Variants in SND1 observed in about 807,000 individuals in gnomAD.
The protein encoded by SND1 is staphylococcal nuclease domain-containing protein 1.
SND1 carries 38 observed loss-of-function variants against 121.7 expected under a neutral mutation model. The observed-to-expected ratio is 0.31, with a 90% CI of 0.24 to 0.41. The LOEUF (loss-of-function observed/expected upper bound fraction) is 0.41. Among genes scored for constraint, SND1 ranks in the 10% least tolerant of loss-of-function variants. SND1 has a pLI of 1.00. For synonymous variants in SND1, 401 were observed against 447.4 expected (o/e 0.90, Z 1.31); for missense variants, 868 against 1,184.6 (o/e 0.73, Z 3.92).
chr7:127,928,739 C>T (rs1800900990), intron 14 of SND1, among the ~76,000 whole-genome samples: 1 of 152,092 alleles, frequency 6.6e-6, no homozygotes, highest in Admixed American at 6.5e-5. Context: ...CAGGCATGTG[C>T]CACCATGCCC....
At chr7:127,933,431 CT>C (rs1037834168) in intron 15 of SND1, among the ~76,000 whole-genome samples, 2 of 152,216 alleles carry the variant, frequency 1.3e-5, no homozygotes, top group Non-Finnish European at 2.9e-5. Flanking sequence ...TATTATGCAT[CT>C]TTTGGTTTCT....
chr7:127,833,089 A>G (rs1005757367), intron 11 of SND1, among the ~76,000 whole-genome samples: 12 of 152,132 alleles, frequency 7.9e-5, no homozygotes, highest in African/African-American at 2.7e-4. Context: ...ATGTAAGAAA[A>G]TAGCCAAGTG....
chr7:127,976,189 C>T (rs1802116198), intron 15 of SND1, among the ~76,000 whole-genome samples: 1 of 152,232 alleles, frequency 6.6e-6, no homozygotes, highest in East Asian at 1.9e-4. Flanking sequence ...AGGAAGTTTA[C>T]TCCTCCTCTC....
At chr7:127,754,052 A>G (rs1797150706) in intron 10 of SND1, among the ~76,000 whole-genome samples, 1 of 152,218 alleles carries the variant, frequency 6.6e-6, no homozygotes, top group African/African-American at 2.4e-5. Flanking sequence ...GTGAATTGGA[A>G]CTAGCATCCT....
intron 16 of SND1, chr7:127,999,548 C>T (rs1413038177): frequency 6.6e-6 from 1 of 152,128 alleles, no homozygotes; most frequent in Non-Finnish European, 1.5e-5. Flanking sequence ...AGAGTAAAGA[C>T]ATAAAAGCCT....
intron 10 of SND1, among the ~76,000 whole-genome samples, chr7:127,734,104 G>A (rs186517175): frequency 6.6e-4 from 100 of 152,156 alleles, no homozygotes; most frequent in Non-Finnish European, 1.0e-3. Context: ...TTTCGTCTCT[G>A]ACAATGCAAT....
At chr7:127,745,907 G>A (rs1424551822) in intron 10 of SND1, among the ~76,000 whole-genome samples, 2 of 152,178 alleles carry the variant, frequency 1.3e-5, no homozygotes, top group South Asian at 2.1e-4. Context: ...TCATGCCAAG[G>A]CATCTCCAAC....
intron 10 of SND1, among the ~76,000 whole-genome samples, chr7:127,767,155 T>G (rs1176290988): frequency 6.6e-6 from 1 of 152,178 alleles, no homozygotes; most frequent in Non-Finnish European, 1.5e-5. Context: ...ATGGCATTCC[T>G]TTATCTTTGG....
intron 10 of SND1, among the ~76,000 whole-genome samples, chr7:127,780,452 G>T (rs1797698872): frequency 6.6e-6 from 1 of 152,186 alleles, no homozygotes; most frequent in Non-Finnish European, 1.5e-5. Flanking sequence ...TATGTCCAGT[G>T]TCCTGATATT....
In SND1 at chr7:128,078,472, C is replaced by A. The variant is rs2896396; in HGVS notation, c.1969-2888C>A. ...CCTTGCTTCTGCTGTCTTCTCAATT[C>A]AGGTGGCAGTGTGCACCACCCCACC... On this transcript the variant is annotated intron_variant, in intron 17 of 23. Coordinates refer to ENST00000354725, the MANE Select transcript of SND1 (RefSeq NM_014390.4). Among the ~76,000 whole-genome samples, 868 of 152,382 alleles carry A rather than the reference C, an allele frequency of 5.7e-3. 9 individuals are homozygous for A. Among genetic ancestry groups the A allele is most frequent in the African/African-American group, 0.02 (828 of 41,598 alleles).
chr7:127,843,893 T>G (rs1799009599), intron 11 of SND1, among the ~76,000 whole-genome samples: 1 of 152,234 alleles, frequency 6.6e-6, no homozygotes, highest in Non-Finnish European at 1.5e-5. Flanking sequence ...CTTGCCTGCC[T>G]TTGGTGTTGT....
intron 16 of SND1, among the ~76,000 whole-genome samples, chr7:128,044,362 T>C (rs1792909753): frequency 6.6e-6 from 1 of 152,194 alleles, no homozygotes; most frequent in Admixed American, 6.5e-5. Context: ...TCAGGCTTTG[T>C]AGGCAAATGC....
Position 127,708,557 on chromosome 7 carries a change from A to C in SND1, c.1038+910A>C, listed in dbSNP as rs1796246353. The stretch of plus-strand genomic sequence containing the variant: ...GAGCACCTATAAATATATGACCTCA[A>C]GTTTCTCTTCTTTCTGTTTTGGAGC... On this transcript the variant is annotated intron_variant, in intron 9 of 23. Transcript: ENST00000354725. Among the ~76,000 whole-genome samples the C allele has an allele frequency of 2.6e-5, 4 of 152,000 alleles. No homozygotes were observed. In the South Asian group the frequency reaches 8.3e-4, roughly 32 times the overall value.
chr7:127,758,575 A>G (rs756421724), intron 10 of SND1, among the ~76,000 whole-genome samples: 6 of 152,218 alleles, frequency 3.9e-5, no homozygotes, highest in Non-Finnish European at 8.8e-5. Flanking sequence ...TCTGATGTAT[A>G]TGGCAACTAT....
chr7:127,878,269 G>A (rs1244411481), intron 12 of SND1, among the ~76,000 whole-genome samples: 1 of 152,058 alleles, frequency 6.6e-6, no homozygotes, highest in Non-Finnish European at 1.5e-5. Context: ...TTGTATTTAC[G>A]ATCACAGACC....
At chr7:128,018,651 C>T (rs3808061) in intron 16 of SND1, among the ~76,000 whole-genome samples, 3 of 151,874 alleles carry the variant, frequency 2.0e-5, no homozygotes, top group Admixed American at 1.3e-4. Flanking sequence ...GCTCTCTGGC[C>T]GGGCTGCCTG....
intron 11 of SND1, among the ~76,000 whole-genome samples, chr7:127,816,976 T>C (rs188108651): frequency 1.1e-3 from 163 of 152,312 alleles, no homozygotes; most frequent in African/African-American, 3.6e-3. Flanking sequence ...ATTTTTGTTA[T>C]TCATTCAGCA....
At chr7:128,065,372 C>A (rs900103320) in intron 16 of SND1, among the ~76,000 whole-genome samples, 2 of 152,200 alleles carry the variant, frequency 1.3e-5, no homozygotes, top group African/African-American at 4.8e-5. Flanking sequence ...AGCGGACTGG[C>A]CCCATTGGGG....
chr7:127,835,899 CA>C (rs1798858508), intron 11 of SND1, among the ~76,000 whole-genome samples: 2 of 152,152 alleles, frequency 1.3e-5, no homozygotes, highest in Non-Finnish European at 2.9e-5. Context: ...AGTATATTTT[CA>C]GATCATTTTA....
Sources: allele counts gnomAD v4.1 joint callset (sites outside exome capture counted in the v4.1 genomes callset), GRCh38; gene constraint gnomAD v4.1.1; transcripts MANE v1.5; gene names NCBI Gene and HGNC (gene_info 2026-07-23, HGNC 2026-07-21).